The following GDA variants were observed in gnomAD, a reference collection of about 807,000 sequenced individuals.
The protein encoded by GDA is cytoplasmic PSD-95 interactor.
GDA carries 18 observed loss-of-function variants against 59.6 expected under a neutral mutation model. That is an observed-to-expected ratio of 0.30 (90% CI 0.21 to 0.45). GDA has a LOEUF of 0.45. GDA is among the 20% of genes least tolerant of loss of function. The pLI is 1.00. For synonymous variants in GDA, 201 were observed against 201.1 expected (o/e 1.00, Z 0.00); for missense variants, 427 against 552.3 (o/e 0.77, Z 2.27).
intron 1 of GDA, among the ~76,000 whole-genome samples, chr9:72,183,589 G>A (rs977872988): frequency 1.3e-5 from 2 of 152,154 alleles, no homozygotes; most frequent in Admixed American, 6.5e-5. Context: ...TAGCCTGTAG[G>A]CAACTGGGGT....
rs760113651 is a variant in GDA at position 72,149,510 on chromosome 9, C to T, written c.-50C>T. On this transcript the variant is annotated 5_prime_UTR_variant, in exon 1 of 14. Coordinates refer to ENST00000358399, the MANE Select transcript of GDA (RefSeq NM_004293.5). ...GCAGAGAGTCCCGCTGCGTCTCCGC[C>T]GCGTGCGCCCTCCTCGACCAGCAGA... 1.9e-5 allele frequency: 31 copies of T among 1,598,968 alleles called. No individual in the cohort carries two copies. The highest frequency in any genetic ancestry group is 2.6e-5 in the Non-Finnish European group (31 of 1,175,826).
At chr9:72,203,048 T>G (rs969008057) in intron 3 of GDA, among the ~76,000 whole-genome samples, 2 of 152,220 alleles carry the variant, frequency 1.3e-5, no homozygotes, top group Non-Finnish European at 2.9e-5. Context: ...ATTTCCCTAC[T>G]CCTGCTAATC....
chr9:72,174,755 T>TAGAG (rs772962195), intron 1 of GDA, among the ~76,000 whole-genome samples: 4 of 150,568 alleles, frequency 2.7e-5, no homozygotes, highest in African/African-American at 9.9e-5. Flanking sequence ...TATATATATA[T>TAGAG]ATATATAGAG....
intron 6 of GDA, among the ~76,000 whole-genome samples, chr9:72,222,042 A>G (rs1219682703): frequency 6.6e-6 from 1 of 152,182 alleles, no homozygotes; most frequent in African/African-American, 2.4e-5. Flanking sequence ...TGTCTTTATA[A>G]CAGAATGATT....
chr9:72,149,308 G>A, upstream of GDA: 1 of 521,798 alleles, frequency 1.9e-6, no homozygotes, highest in Non-Finnish European at 3.4e-6. Flanking sequence ...CAAGGGTGGA[G>A]AGAAAGACCA....
Position 72,247,447 on chromosome 9 carries a change from T to C in GDA, c.1294+14T>C, listed in dbSNP as rs371411460. 2.4e-5 allele frequency: 32 copies of C among 1,353,468 alleles called. No homozygotes were observed. In the African/African-American group the frequency reaches 2.9e-4, roughly 12 times the overall value. The allele number at this position is 1,353,468 out of a possible 1,614,324, so 83.8% of individuals were successfully genotyped here. A position where few individuals can be genotyped will look rare whatever the true frequency, so the allele number is the denominator to read the frequency against. On this transcript the variant is annotated intron_variant, in intron 13 of 13. Coordinates refer to ENST00000358399, the MANE Select transcript of GDA (RefSeq NM_004293.5). ...TCCTCTATCTAGGTAGGTAGATGCA[T>C]GTCTCTATGCTAAATATTAAATAGA... is the stretch of plus-strand genomic sequence containing the variant.
At chr9:72,213,494 G>A (rs1379557405) in intron 4 of GDA, among the ~76,000 whole-genome samples, 1 of 151,892 alleles carries the variant, frequency 6.6e-6, no homozygotes, top group Non-Finnish European at 1.5e-5. Flanking sequence ...AAAAATTACT[G>A]TTGAAAGCTT....
chr9:72,236,676 C>T (rs1444959773), intron 10 of GDA, among the ~76,000 whole-genome samples: 1 of 152,162 alleles, frequency 6.6e-6, no homozygotes, highest in Non-Finnish European at 1.5e-5. Flanking sequence ...TGGCCATAGA[C>T]CGTCCTGTAT....
At chr9:72,169,179 AG>A (rs1476972904) in intron 1 of GDA, among the ~76,000 whole-genome samples, 1 of 152,232 alleles carries the variant, frequency 6.6e-6, no homozygotes, top group Non-Finnish European at 1.5e-5. Flanking sequence ...CTTTAGAAGC[AG>A]GTGAAATAGA....
chr9:72,129,444 G>A (rs1036103443), intron 1 of GDA, among the ~76,000 whole-genome samples: 5 of 152,132 alleles, frequency 3.3e-5, no homozygotes, highest in East Asian at 1.9e-4. Context: ...CTCCAGACCC[G>A]TGGACATCCT....
chr9:72,164,252 G>A (rs1256983652), intron 1 of GDA, among the ~76,000 whole-genome samples: 1 of 152,192 alleles, frequency 6.6e-6, no homozygotes, highest in Admixed American at 6.5e-5. Flanking sequence ...GAATGAGTAG[G>A]ATGAGGACAA....
At chr9:72,237,803 T>A (rs943480084) in intron 10 of GDA, among the ~76,000 whole-genome samples, 1 of 152,064 alleles carries the variant, frequency 6.6e-6, no homozygotes, top group Non-Finnish European at 1.5e-5. Context: ...GACCTTCTTC[T>A]CCCTCACTTC....
chr9:72,131,334 C>G (rs1459009012), intron 1 of GDA, among the ~76,000 whole-genome samples: 1 of 152,148 alleles, frequency 6.6e-6, no homozygotes, highest in African/African-American at 2.4e-5. Context: ...TGACGCCCCT[C>G]CCTGCCAAGA....
chr9:72,196,341 C>T (rs1301359817), intron 2 of GDA, among the ~76,000 whole-genome samples: 1 of 151,770 alleles, frequency 6.6e-6, no homozygotes, highest in Non-Finnish European at 1.5e-5. Flanking sequence ...ATTAGCCTGG[C>T]ATGGTGGCGC....
chr9:72,222,963 C>T (rs1326333924), intron 6 of GDA, among the ~76,000 whole-genome samples, 157 bp from the exon 7 acceptor site: 2 of 152,216 alleles, frequency 1.3e-5, no homozygotes, highest in African/African-American at 2.4e-5. Context: ...CTGCCTTGGC[C>T]TCTCAAAGTG....
intron 1 of GDA, among the ~76,000 whole-genome samples, chr9:72,186,689 A>G (rs1831896523): frequency 6.6e-6 from 1 of 152,238 alleles, no homozygotes; most frequent in Non-Finnish European, 1.5e-5. Context: ...GTTTTCCCCA[A>G]CCCAACACTT....
At chr9:72,207,776 G>A (rs900144481) in intron 3 of GDA, among the ~76,000 whole-genome samples, 1 of 151,994 alleles carries the variant, frequency 6.6e-6, no homozygotes, top group Non-Finnish European at 1.5e-5. Flanking sequence ...GACTTTTGGG[G>A]CTAACCAATA....
chr9:72,163,571 C>A (rs1828920778), intron 1 of GDA, among the ~76,000 whole-genome samples: 1 of 151,738 alleles, frequency 6.6e-6, no homozygotes, highest in African/African-American at 2.4e-5. Context: ...CGGCTCACTG[C>A]AAGCTCCACC....
At chr9:72,223,077 AT>A in intron 6 of GDA, 42 bp from the exon 7 acceptor site, 1 of 960,172 alleles carries the variant, frequency 1.0e-6, no homozygotes, top group East Asian at 2.4e-5. Flanking sequence ...ATTTTTGTAT[AT>A]GATGTAAGGA....
Sources: gnomAD v4.1 joint callset for allele counts (sites outside exome capture counted in the v4.1 genomes callset) on GRCh38, gnomAD v4.1.1 for gene constraint, MANE v1.5 for transcripts, NCBI Gene and HGNC (gene_info 2026-07-23, HGNC 2026-07-21) for gene names.